CCDC150: variants seen among roughly 807,000 people sequenced by gnomAD.
CCDC150 encodes coiled-coil domain containing 150.
Under a neutral mutation model 156.5 loss-of-function variants are expected in CCDC150, and 151 were observed. The observed-to-expected ratio is 0.97, with a 90% CI of 0.85 to 1.10. CCDC150 has a LOEUF of 1.10. CCDC150 is among the 50% of genes least tolerant of loss of function. The pLI is 0.00. For synonymous variants in CCDC150, 452 were observed against 429.4 expected (o/e 1.05, Z -0.65); for missense variants, 1,312 against 1,268.1 (o/e 1.03, Z -0.53).
chr2:196,680,468 A>AT (rs1036156690), intron 13 of CCDC150, among the ~76,000 whole-genome samples: 6 of 151,870 alleles, frequency 4.0e-5, no homozygotes, highest in Non-Finnish European at 7.4e-5. Context: ...CACTCAGCTA[A>AT]TTTTTTTATT....
At chr2:196,729,464 G>A (rs1698408962) in intron 23 of CCDC150, 77 bp downstream of exon 23, 2 of 1,438,270 alleles carry the variant, frequency 1.4e-6, no homozygotes, top group South Asian at 2.4e-5. Context: ...AGGGAAGACA[G>A]GTTTTAGAAC....
intron 17 of CCDC150, among the ~76,000 whole-genome samples, chr2:196,714,349 A>T (rs6434882): frequency 0.091 from 13,808 of 152,162 alleles, 790 homozygotes; most frequent in African/African-American, 0.17. Context: ...GCCTGTGGCT[A>T]ATTAAAGGCT....
At chr2:196,713,189 AT>A (rs1172294504) in intron 17 of CCDC150, 3 of 1,077,410 alleles carry the variant, frequency 2.8e-6, no homozygotes, top group Non-Finnish European at 3.7e-6. Context: ...GCTGGGTCAT[AT>A]TTTACAGTGT....
At chr2:196,647,562 A>T (rs1692621949) in intron 2 of CCDC150, among the ~76,000 whole-genome samples, 1 of 152,234 alleles carries the variant, frequency 6.6e-6, no homozygotes, top group Admixed American at 6.5e-5. Flanking sequence ...AATATATTTA[A>T]AATTGGAGTG....
intron 13 of CCDC150, among the ~76,000 whole-genome samples, chr2:196,677,621 C>T (rs1694590939): frequency 6.6e-6 from 1 of 152,124 alleles, no homozygotes; most frequent in South Asian, 2.1e-4. Flanking sequence ...AGGATTCTAG[C>T]CAAGAAGTCA....
chr2:196,655,822 A>G (rs996873482), intron 2 of CCDC150, among the ~76,000 whole-genome samples: 1 of 152,060 alleles, frequency 6.6e-6, no homozygotes, highest in Admixed American at 6.6e-5. Flanking sequence ...TGCTTGATGC[A>G]TGGAAAAACT....
At chr2:196,729,681 A>T (rs559757636) in intron 23 of CCDC150, 112 bp from the exon 24 acceptor site, 56 of 761,790 alleles carry the variant, frequency 7.4e-5, no homozygotes, top group African/African-American at 4.9e-4. Flanking sequence ...GCTCAGCAGG[A>T]ACTGGTAACT....
chr2:196,721,019 A>G (rs991681494), intron 20 of CCDC150, among the ~76,000 whole-genome samples: 7 of 152,178 alleles, frequency 4.6e-5, no homozygotes, highest in African/African-American at 1.4e-4. Flanking sequence ...GGAGTCACCT[A>G]CACACACATG....
At chr2:196,717,444 A>G (rs1309635180) in intron 17 of CCDC150, among the ~76,000 whole-genome samples, 1 of 152,204 alleles carries the variant, frequency 6.6e-6, no homozygotes, top group Non-Finnish European at 1.5e-5. Flanking sequence ...GCACATATAC[A>G]CATGCATCCA....
chr2:196,716,217 G>A (rs1040994918), intron 17 of CCDC150, among the ~76,000 whole-genome samples: 5 of 152,260 alleles, frequency 3.3e-5, no homozygotes, highest in South Asian at 2.1e-4. Flanking sequence ...CTTTAAAAGC[G>A]AAACATACTA....
At chr2:196,640,444 T>C (rs1692145197) in intron 1 of CCDC150, among the ~76,000 whole-genome samples, 1 of 152,222 alleles carries the variant, frequency 6.6e-6, no homozygotes, top group East Asian at 1.9e-4. Context: ...TTCTCTGTTA[T>C]CCCGCCTTAT....
In CCDC150 at chr2:196,714,385, T is replaced by C. The variant is rs533679162; in HGVS notation, c.1866+1646T>C. Among the ~76,000 whole-genome samples, 4 of 152,280 alleles carry C rather than the reference T, an allele frequency of 2.6e-5. No individual in the cohort carries two copies. In the South Asian group the frequency reaches 6.2e-4, roughly 24 times the overall value. ...CAGGTGAATTGATGCCCTATGCTGA[T>C]GAAGGGATGGCCCATGCTTGGCTCC... On this transcript the variant is annotated intron_variant, in intron 17 of 27. Transcript: ENST00000389175.
intron 13 of CCDC150, among the ~76,000 whole-genome samples, chr2:196,687,417 C>G (rs1268984317): frequency 6.6e-6 from 1 of 152,162 alleles, no homozygotes; most frequent in Non-Finnish European, 1.5e-5. Flanking sequence ...TTTATGTCTT[C>G]TTTTAAGAAG....
chr2:196,694,005 AT>A (rs2125650254), intron 13 of CCDC150, among the ~76,000 whole-genome samples: 1 of 149,740 alleles, frequency 6.7e-6, no homozygotes, highest in South Asian at 2.1e-4. Flanking sequence ...CTAATTTATT[AT>A]CTTTTTATAT....
chr2:196,685,107 T>C (rs1031563185), intron 13 of CCDC150, among the ~76,000 whole-genome samples: 1 of 152,146 alleles, frequency 6.6e-6, no homozygotes, highest in African/African-American at 2.4e-5. Context: ...GTTTTTTGCT[T>C]TTTGTTCCTC....
intron 13 of CCDC150, chr2:196,686,084 T>C (rs1695111647): frequency 6.1e-6 from 1 of 165,040 alleles, no homozygotes; most frequent in Admixed American, 6.0e-5. Context: ...AACAGTTTAC[T>C]TATGTTTGTT....
chr2:196,698,727 A>T (rs1053147643), intron 14 of CCDC150, among the ~76,000 whole-genome samples: 3 of 152,250 alleles, frequency 2.0e-5, no homozygotes, highest in African/African-American at 7.2e-5. Flanking sequence ...TTTAGGGTAC[A>T]TGTGCACAAC....
chr2:196,648,178 T>C (rs1190346238), intron 2 of CCDC150, among the ~76,000 whole-genome samples: 1 of 152,192 alleles, frequency 6.6e-6, no homozygotes, highest in Non-Finnish European at 1.5e-5. Flanking sequence ...CTGGATCCTA[T>C]GGCAGTTCTA....
At chr2:196,724,335 C>A (rs536206329) in intron 21 of CCDC150, among the ~76,000 whole-genome samples, 10 of 151,604 alleles carry the variant, frequency 6.6e-5, no homozygotes, top group Non-Finnish European at 1.5e-4. Flanking sequence ...GGGCTCAGGG[C>A]AGAGGTAGAG....
Sources: gnomAD v4.1 joint callset for allele counts (sites outside exome capture counted in the v4.1 genomes callset) on GRCh38, gnomAD v4.1.1 for gene constraint, MANE v1.5 for transcripts, NCBI Gene and HGNC (gene_info 2026-07-23, HGNC 2026-07-21) for gene names.